The following HIVEP3 variants were observed in gnomAD, a reference collection of about 807,000 sequenced individuals.
The protein encoded by HIVEP3 is transcription factor HIVEP3.
Under a neutral mutation model 152.8 loss-of-function variants are expected in HIVEP3, and 49 were observed. The ratio of observed to expected loss-of-function variants is 0.32; its 90% CI spans 0.26 to 0.41. The LOEUF is 0.41. HIVEP3 is among the 10% of genes least tolerant of loss of function. The probability of loss-of-function intolerance (pLI) is 1.00; values close to 1 mark genes in which losing one functional copy is unlikely to be tolerated. For synonymous variants in HIVEP3, 1,269 were observed against 1,289.0 expected, an observed-to-expected ratio of 0.98 and a Z score of 0.33; for missense variants, 2,790 against 3,103.3, an observed-to-expected ratio of 0.90 and a Z score of 2.40.
At chr1:41,741,915 G>C (rs1647002366) in intron 1 of HIVEP3, among the ~76,000 whole-genome samples, 1 of 152,234 alleles carries the variant, frequency 6.6e-6, no homozygotes, top group South Asian at 2.1e-4. Context: ...CCCTTCAACT[G>C]TCTAAGATAG....
intron 1 of HIVEP3, among the ~76,000 whole-genome samples, chr1:41,879,575 C>T (rs193140498): frequency 6.6e-6 from 1 of 152,292 alleles, no homozygotes; most frequent in East Asian, 1.9e-4. Flanking sequence ...AGCAGGAACA[C>T]CCTGGTCTAG....
chr1:42,007,570 C>A (rs1421740326), intron 1 of HIVEP3, among the ~76,000 whole-genome samples: 1 of 152,138 alleles, frequency 6.6e-6, no homozygotes, highest in Non-Finnish European at 1.5e-5. Flanking sequence ...AGTCTTCTGA[C>A]AAAGCTGAGT....
intron 2 of HIVEP3, among the ~76,000 whole-genome samples, chr1:41,643,972 TG>T (rs1185516057): frequency 6.8e-6 from 1 of 146,600 alleles, no homozygotes; most frequent in Non-Finnish European, 1.5e-5. Flanking sequence ...CTGCAACCTC[TG>T]CCTCCTGGGC....
chr1:41,917,399 G>C (rs1644887537), intron 1 of HIVEP3, among the ~76,000 whole-genome samples: 1 of 152,128 alleles, frequency 6.6e-6, no homozygotes, highest in Non-Finnish European at 1.5e-5. Flanking sequence ...CAATGCCAAG[G>C]GCTACCAGAA....
intron 2 of HIVEP3, among the ~76,000 whole-genome samples, chr1:41,631,876 C>T (rs944983489): frequency 6.6e-6 from 1 of 152,186 alleles, no homozygotes; most frequent in African/African-American, 2.4e-5. Flanking sequence ...TCAGAACACG[C>T]TATTCTACAA....
intron 1 of HIVEP3, among the ~76,000 whole-genome samples, chr1:41,707,278 GCAGAGGATACTCTGCTACCCA>G (rs1300635517): frequency 6.6e-6 from 1 of 152,206 alleles, no homozygotes; most frequent in Non-Finnish European, 1.5e-5. Flanking sequence ...GGCAGGAGAA[GCAGAGGATACTCTGCTACCCA>G]CAGAAGGCAG....
In HIVEP3 at chr1:41,874,549, G is replaced by A. The variant is rs145106087; in HGVS notation, c.-801+43864C>T. ...AGCTGCCAAACGCTTTCCTGCCCTT[G>A]CAGAAAGCCACCACCAAACTCACCA... On this transcript the variant is annotated intron_variant, in intron 1 of 8. Coordinates refer to ENST00000372583, the MANE Select transcript of HIVEP3 (RefSeq NM_024503.5). Among the ~76,000 whole-genome samples the A allele has an allele frequency of 7.7e-4, 117 of 152,274 alleles. 1 individual carries two copies. Among genetic ancestry groups the A allele is most frequent in the African/African-American group, 2.8e-3 (117 of 41,534 alleles).
chr1:41,637,727 C>A (rs751018894), intron 2 of HIVEP3, among the ~76,000 whole-genome samples: 1 of 152,190 alleles, frequency 6.6e-6, no homozygotes, highest in Non-Finnish European at 1.5e-5. Flanking sequence ...TTGAAACATG[C>A]GTTCTTGTTT....
At chr1:41,527,503 ACT>A (rs1425978703) in intron 5 of HIVEP3, among the ~76,000 whole-genome samples, 8 of 39,712 alleles carry the variant, frequency 2.0e-4, no homozygotes, top group Non-Finnish European at 2.8e-4. Flanking sequence ...CCTCACACAC[ACT>A]CACACACCCC....
chr1:41,827,118 G>A (rs529156106), intron 1 of HIVEP3, among the ~76,000 whole-genome samples: 1 of 152,302 alleles, frequency 6.6e-6, no homozygotes, highest in East Asian at 1.9e-4. Context: ...CCAGAGCCCA[G>A]GGGACCAGGG....
At chr1:41,562,724 A>G (rs371984028) in intron 5 of HIVEP3, among the ~76,000 whole-genome samples, 24 of 151,986 alleles carry the variant, frequency 1.6e-4, no homozygotes, top group African/African-American at 5.6e-4. Flanking sequence ...CTAACAGTAA[A>G]CTTTTGGAAG....
chr1:41,924,861 T>A (rs375384397), intron 1 of HIVEP3, among the ~76,000 whole-genome samples: 1 of 152,302 alleles, frequency 6.6e-6, no homozygotes, highest in African/African-American at 2.4e-5. Context: ...CCTTCAAATA[T>A]CTGAAGCCAT....
chr1:41,995,851 T>C (rs185687312), intron 1 of HIVEP3, among the ~76,000 whole-genome samples: 2 of 152,290 alleles, frequency 1.3e-5, no homozygotes, highest in East Asian at 3.9e-4. Flanking sequence ...ACAGCATCAG[T>C]CCAAATCAGC....
At chr1:41,969,114 C>T (rs539174443) in intron 1 of HIVEP3, among the ~76,000 whole-genome samples, 10 of 152,192 alleles carry the variant, frequency 6.6e-5, no homozygotes, top group East Asian at 1.9e-4. Flanking sequence ...GAATCAATAT[C>T]GTGAAAATGG....
chr1:41,897,607 T>C (rs1369521796), intron 1 of HIVEP3, among the ~76,000 whole-genome samples: 3 of 152,124 alleles, frequency 2.0e-5, no homozygotes, highest in African/African-American at 4.8e-5. Flanking sequence ...TATTTTGCTA[T>C]AGCAGCAGGA....
chr1:42,003,725 A>G lies in HIVEP3; in HGVS notation n.119+32082T>C, dbSNP rs559432831. ...GGATCACATTTCCTGTGCTGCTGAC[A>G]AGGATTATAAGGTGCAGGGAGGTAA... On this transcript the variant is annotated intron_variant and non_coding_transcript_variant, in intron 1 of 3. Transcript: ENST00000489103. Among the ~76,000 whole-genome samples the G allele has an allele frequency of 2.0e-5, 3 of 152,132 alleles. 1 individual carries two copies. The highest frequency in any genetic ancestry group is 4.8e-5 in the African/African-American group (2 of 41,500).
chr1:41,766,906 C>T (rs1648045736), intron 1 of HIVEP3, among the ~76,000 whole-genome samples: 2 of 152,360 alleles, frequency 1.3e-5, no homozygotes, highest in South Asian at 4.1e-4. Context: ...CTTCCTGCTG[C>T]TAAGCAGTGC....
At chr1:41,527,349 T>TCA (rs1471103751) in intron 5 of HIVEP3, among the ~76,000 whole-genome samples, 2 of 35,912 alleles carry the variant, frequency 5.6e-5, no homozygotes, top group Non-Finnish European at 1.2e-4. Context: ...ACCTTCACAC[T>TCA]CACCTTCACA....
At chr1:41,548,177 C>A (rs1463015662) in intron 5 of HIVEP3, among the ~76,000 whole-genome samples, 1 of 152,228 alleles carries the variant, frequency 6.6e-6, no homozygotes, top group East Asian at 1.9e-4. Context: ...CAGAACTGGG[C>A]TGCAGGACTC....
Sources: gnomAD v4.1 joint callset for allele counts (sites outside exome capture counted in the v4.1 genomes callset) on GRCh38, gnomAD v4.1.1 for gene constraint, MANE v1.5 for transcripts, NCBI Gene and HGNC (gene_info 2026-07-23, HGNC 2026-07-21) for gene names.